Variants in RERE observed in about 807,000 individuals in gnomAD.
The protein encoded by RERE is arginine-glutamic acid dipeptide repeats.
In RERE, 40 loss-of-function variants were observed where a neutral mutation model predicts 146.1. The ratio of observed to expected loss-of-function variants is 0.27; its 90% CI spans 0.21 to 0.36. The LOEUF (loss-of-function observed/expected upper bound fraction) is 0.36, where lower values mean the gene tolerates loss of function less well. Among genes scored for constraint, RERE ranks in the 10% least tolerant of loss-of-function variants. The probability of loss-of-function intolerance (pLI) is 1.00; values close to 1 mark genes in which losing one functional copy is unlikely to be tolerated. For synonymous variants in RERE, 1,003 were observed against 866.0 expected (o/e 1.16, Z -2.78); for missense variants, 1,933 against 2,138.7 (o/e 0.90, Z 1.90).
At chr1:8,648,318 A>G (rs536713497) in intron 2 of RERE, among the ~76,000 whole-genome samples, 1 of 152,250 alleles carries the variant, frequency 6.6e-6, no homozygotes, top group African/African-American at 2.4e-5. Flanking sequence ...TGCAGCCTCA[A>G]CCTTCCATGC....
At chr1:8,748,089 T>A (rs926233706) in intron 1 of RERE, among the ~76,000 whole-genome samples, 3 of 152,178 alleles carry the variant, frequency 2.0e-5, no homozygotes, top group African/African-American at 7.2e-5. Context: ...TAACTTTCTA[T>A]ATTACTTAAG....
intron 2 of RERE, among the ~76,000 whole-genome samples, chr1:8,646,963 A>G (rs1254975304): frequency 6.6e-6 from 1 of 152,218 alleles, no homozygotes. Context: ...TCTACAAAAA[A>G]TACAATTAGC....
chr1:8,451,415 G>C (rs1267793661), intron 11 of RERE, among the ~76,000 whole-genome samples: 1 of 148,470 alleles, frequency 6.7e-6, no homozygotes, highest in Non-Finnish European at 1.5e-5. Flanking sequence ...CTGGGTGACA[G>C]AGCAAAATTC....
intron 4 of RERE, among the ~76,000 whole-genome samples, chr1:8,603,729 C>G (rs753451736): frequency 3.4e-4 from 52 of 152,082 alleles, no homozygotes; most frequent in Middle Eastern, 6.8e-3. Flanking sequence ...ATGAAAGACC[C>G]TGGAACTGCA....
chr1:8,428,782 T>C (rs1352581969), intron 11 of RERE, among the ~76,000 whole-genome samples: 4 of 152,180 alleles, frequency 2.6e-5, no homozygotes, highest in African/African-American at 9.7e-5. Context: ...AACAGCTATA[T>C]TGGAATAAAA....
intron 4 of RERE, among the ~76,000 whole-genome samples, chr1:8,601,061 C>G (rs1646618006): frequency 7.5e-6 from 1 of 133,336 alleles, no homozygotes; most frequent in African/African-American, 2.8e-5. Flanking sequence ...GCTATGTCAG[C>G]CAGGTTGGAG....
chr1:8,539,615 A>T (rs1645773327), intron 7 of RERE, among the ~76,000 whole-genome samples: 1 of 152,200 alleles, frequency 6.6e-6, no homozygotes, highest in South Asian at 2.1e-4. Flanking sequence ...CACGTTGGCC[A>T]GGCTGGTCTT....
intron 1 of RERE, among the ~76,000 whole-genome samples, chr1:8,668,924 CTGTGTGTGTGTGTGTG>C (rs58718828): frequency 2.4e-5 from 2 of 83,504 alleles, no homozygotes; most frequent in African/African-American, 8.5e-5. Flanking sequence ...GCACTAAACT[CTGTGTGTGTGTGTGTG>C]TGTGTGTGTG....
rs60050106 is a variant in RERE at position 8,386,022 on chromosome 1, A to AT, written c.1285-20049dup. ...TATATATATATATATATATATATAT[A>AT]TTTTTTTTTTTTTTTTTTTTTTTTT... On this transcript the variant is annotated intron_variant, in intron 12 of 22. Transcript: ENST00000400908. Among the ~76,000 whole-genome samples, 96 of 26,640 alleles carry AT rather than the reference A, an allele frequency of 3.6e-3. 2 individuals are homozygous for AT. Among genetic ancestry groups the AT allele is most frequent in the Admixed American group, 0.013 (14 of 1,048 alleles). The allele number at this position is 26,640 out of a possible 152,430, so 17.5% of individuals were successfully genotyped here. A position where few individuals can be genotyped will look rare whatever the true frequency, so the allele number is the denominator to read the frequency against.
chr1:8,767,232 A>G (rs1211153898), intron 1 of RERE, among the ~76,000 whole-genome samples: 10 of 152,202 alleles, frequency 6.6e-5, no homozygotes, highest in Non-Finnish European at 1.0e-4. Flanking sequence ...GAGGTCATCA[A>G]TTCAGGAAAT....
At chr1:8,501,925 G>A (rs1570352047) in intron 8 of RERE, among the ~76,000 whole-genome samples, 2 of 85,398 alleles carry the variant, frequency 2.3e-5, no homozygotes, top group African/African-American at 4.6e-5. Flanking sequence ...CGCCCCGTCC[G>A]GGAGGGAGGT....
rs1157308723 is a variant in RERE, at chr1:8,354,857, C to G, written c.*230G>C. ...GATGTTCAGTCCAGTCCAGGACTCA[C>G]TAAGTTTCTGGGGGACTGTCATGCA... On this transcript the variant is annotated 3_prime_UTR_variant, in exon 23 of 23. Coordinates refer to ENST00000400908, the MANE Select transcript of RERE (RefSeq NM_001042681.2). 3.5e-6 allele frequency: 2 copies of G among 574,198 alleles called. No homozygotes were observed. The highest frequency in any genetic ancestry group is 2.3e-5 in the South Asian group (1 of 44,426). 35.6% of individuals were successfully genotyped at this position (574,198 alleles called of 1,614,324 possible). A position where few individuals can be genotyped will look rare whatever the true frequency, so the allele number is the denominator to read the frequency against.
At chr1:8,789,234 C>G (rs536678278) in intron 1 of RERE, among the ~76,000 whole-genome samples, 41 of 135,470 alleles carry the variant, frequency 3.0e-4, no homozygotes, top group African/African-American at 1.1e-3. Context: ...TGCTTGATCC[C>G]AGGAGTTCGA....
chr1:8,816,208 T>C (rs533607476), intron 1 of RERE, among the ~76,000 whole-genome samples: 1 of 152,372 alleles, frequency 6.6e-6, no homozygotes, highest in South Asian at 2.1e-4. Flanking sequence ...TATTTTGTAA[T>C]TCACCAAGTT....
intron 12 of RERE, among the ~76,000 whole-genome samples, chr1:8,376,939 A>T (rs191574526): frequency 8.5e-5 from 13 of 152,270 alleles, no homozygotes; most frequent in South Asian, 2.1e-4. Context: ...CAGATCTATT[A>T]AAAAAAATTA....
At chr1:8,633,324 G>A (rs972676885) in intron 2 of RERE, among the ~76,000 whole-genome samples, 8 of 152,184 alleles carry the variant, frequency 5.3e-5, no homozygotes, top group Non-Finnish European at 1.0e-4. Flanking sequence ...TTAGGAGGTT[G>A]AGGTGGGAGG....
intron 12 of RERE, among the ~76,000 whole-genome samples, chr1:8,387,111 T>C (rs1157088446): frequency 6.6e-6 from 1 of 152,156 alleles, no homozygotes; most frequent in Non-Finnish European, 1.5e-5. Context: ...AGCTAGACAG[T>C]GAAGCACTGG....
At chr1:8,759,859 A>ACACACC (rs1163551510) in intron 1 of RERE, among the ~76,000 whole-genome samples, 1 of 151,850 alleles carries the variant, frequency 6.6e-6, no homozygotes, top group Non-Finnish European at 1.5e-5. Context: ...ACACACACAC[A>ACACACC]CACACACACA....
chr1:8,655,154 G>A (rs1198368817), intron 2 of RERE, among the ~76,000 whole-genome samples: 1 of 151,500 alleles, frequency 6.6e-6, no homozygotes, highest in Non-Finnish European at 1.5e-5. Context: ...AGAGCCTGAA[G>A]CTCAAATTTT....
Sources: gnomAD v4.1 joint callset for allele counts (sites outside exome capture counted in the v4.1 genomes callset) on GRCh38, gnomAD v4.1.1 for gene constraint, MANE v1.5 for transcripts, NCBI Gene and HGNC (gene_info 2026-07-23, HGNC 2026-07-21) for gene names.